Variants in GPSM1 observed in about 807,000 individuals in gnomAD.
GPSM1 encodes G protein-signaling modulator 1.
A neutral mutation model predicts 70.5 loss-of-function variants in GPSM1; 48 were observed. The observed-to-expected ratio is 0.68, with a 90% CI of 0.54 to 0.87. The LOEUF (loss-of-function observed/expected upper bound fraction) is 0.87, where lower values mean the gene tolerates loss of function less well. Among genes scored for constraint, GPSM1 ranks in the 40% least tolerant of loss-of-function variants. GPSM1 has a pLI of 0.00. For synonymous variants in GPSM1, 416 were observed against 430.1 expected (o/e 0.97, Z 0.41); for missense variants, 981 against 972.6 (o/e 1.01, Z -0.11).
At chr9:136,357,979 G>C (rs782810987) in intron 13 of GPSM1, 35 bp from the exon 14 acceptor site, 66 of 1,559,780 alleles carry the variant, frequency 4.2e-5, no homozygotes, top group Non-Finnish European at 5.3e-5. Flanking sequence ...TGGGGCTGGG[G>C]GGGTGAGGCC....
chr9:136,329,824 G>T (rs1832060221), intron 1 of GPSM1, among the ~76,000 whole-genome samples: 6 of 150,384 alleles, frequency 4.0e-5, no homozygotes, highest in Admixed American at 4.0e-4. Context: ...TGGGTTCTGG[G>T]TCGGTGGGGA....
intron 13 of GPSM1, 91 bp downstream of exon 13, chr9:136,356,641 G>C: frequency 1.1e-6 from 1 of 907,816 alleles, no homozygotes; most frequent in South Asian, 1.6e-5. Context: ...TGAGGTGGGC[G>C]CTGGTTCTGC....
chr9:136,338,711 G>A lies in GPSM1; in HGVS notation c.974+1G>A, dbSNP rs782142137. On this transcript the variant is annotated splice_donor_variant, in intron 7 of 13. Transcript: ENST00000440944. LOFTEE classifies it high-confidence loss of function. The stretch of plus-strand genomic sequence containing the variant: ...TCATTGCCCAGGAGCTGGCCGACAG[G>A]TGCGTGGGCGCGGACGCGGCGGGCA... 5 of 1,548,380 alleles carry A rather than the reference G, an allele frequency of 3.2e-6. No individual in the cohort carries two copies. Among genetic ancestry groups the A allele is most frequent in the East Asian group, 2.4e-5 (1 of 41,490 alleles).
rs184608719 is a variant in GPSM1 at position 136,333,397 on chromosome 9, G to A, written c.69-1050G>A. Among the ~76,000 whole-genome samples the A allele has an allele frequency of 5.9e-5, 9 of 152,336 alleles. No individual in the cohort carries two copies. In the East Asian group the frequency reaches 1.3e-3, roughly 23 times the overall value. On this transcript the variant is annotated intron_variant, in intron 1 of 13. Coordinates refer to ENST00000440944, the MANE Select transcript of GPSM1 (RefSeq NM_001145638.3). ...CCCAGAGCAGGCAGCAGGGAGGTGCGGAGCCGGGCAGCCACGGAGTGACCC... is the reference window on the plus strand; with the variant it reads ...CCCAGAGCAGGCAGCAGGGAGGTGCAGAGCCGGGCAGCCACGGAGTGACCC...
intron 13 of GPSM1, among the ~76,000 whole-genome samples, 176 bp downstream of exon 13, chr9:136,356,726 G>A (rs931226472): frequency 5.9e-5 from 9 of 152,268 alleles, no homozygotes; most frequent in Non-Finnish European, 7.4e-5. Context: ...GTCTGAGCCT[G>A]AAGCCCTACT....
rs140186188 is a variant in GPSM1 at position 136,358,862 on chromosome 9, G to A, written c.*642G>A. On this transcript the variant is annotated 3_prime_UTR_variant, in exon 14 of 14. Coordinates refer to ENST00000440944, the MANE Select transcript of GPSM1 (RefSeq NM_001145638.3). ...CCCTGCAGGGGCCTCGACAGGAGCC[G>A]GGCCTATCTCTAAAGCAGAGGGAAT... The A allele has an allele frequency of 9.6e-3, 1,482 of 153,616 alleles. 16 individuals are homozygous for A. Among genetic ancestry groups the A allele is most frequent in the Middle Eastern group, 0.036 (11 of 306 alleles). The allele number at this position is 153,616 out of a possible 1,614,324, so 9.5% of individuals were successfully genotyped here. A position where few individuals can be genotyped will look rare whatever the true frequency, so the allele number is the denominator to read the frequency against.
chr9:136,341,729 C>T lies in GPSM1; in HGVS notation c.1207+736C>T, dbSNP rs936329539. The stretch of plus-strand genomic sequence containing the variant: ...GCCTCCCAGAACGTACCTGGTGCCC[C>T]CCAGGCCTGCTAAGGACCAGGCTGG... On this transcript the variant is annotated intron_variant, in intron 9 of 13. Transcript: ENST00000440944. This position sits in a 1 kb window ranked among gnomAD's most constrained non-coding sequence, Gnocchi z 6.7. The T allele has an allele frequency of 3.0e-6, 3 of 988,912 alleles. No homozygotes were observed. Among genetic ancestry groups the T allele is most frequent in the Admixed American group, 5.7e-5 (1 of 17,556 alleles). The allele number at this position is 988,912 out of a possible 1,614,324, so 61.3% of individuals were successfully genotyped here. A position where few individuals can be genotyped will look rare whatever the true frequency, so the allele number is the denominator to read the frequency against.
At chr9:136,337,184 G>A in intron 4 of GPSM1, 112 bp downstream of exon 4, 1 of 1,123,618 alleles carries the variant, frequency 8.9e-7, no homozygotes, top group Non-Finnish European at 1.2e-6. Context: ...AGCTCCCAGG[G>A]CAGTGACGGC....
chr9:136,328,111 T>C lies in GPSM1; in HGVS notation c.68+348T>C, dbSNP rs1368591031. ...ATGCCCGGGGCACTCAGGGGCATCA[T>C]GGCCAAAGAGACCTGGCTGCTCTGG... On this transcript the variant is annotated intron_variant, in intron 1 of 13. Coordinates refer to ENST00000440944, the MANE Select transcript of GPSM1 (RefSeq NM_001145638.3). Among the ~76,000 whole-genome samples the C allele has an allele frequency of 2.6e-5, 4 of 152,264 alleles. No individual in the cohort carries two copies. The East Asian group carries it at 5.8e-4, about 22-fold the overall frequency.
At position 136,342,389 on chromosome 9, in the gene GPSM1, C is replaced by T. The variant is rs933602843; in HGVS notation, c.1207+1396C>T. 6.6e-6 allele frequency among the ~76,000 whole-genome samples: 1 copy of T among 152,302 alleles called. No homozygotes were observed. The highest frequency in any genetic ancestry group is 1.9e-4 in the East Asian group (1 of 5,178). The stretch of plus-strand genomic sequence containing the variant: ...TCTTGGAGCCAAGGAAAAGGGGGGC[C>T]GGAGTGGGAGGACGCTGGAACAATG... On this transcript the variant is annotated intron_variant, in intron 9 of 13. Transcript: ENST00000440944. This position sits in a 1 kb window ranked among gnomAD's most constrained non-coding sequence, Gnocchi z 5.5.
At chr9:136,347,225 G>C (rs532618398) in intron 9 of GPSM1, among the ~76,000 whole-genome samples, 6 of 152,194 alleles carry the variant, frequency 3.9e-5, no homozygotes, top group African/African-American at 1.4e-4. Flanking sequence ...GCTCCGAGGC[G>C]TAGTAATGGG....
At chr9:136,336,311 C>A (rs1400104407) in intron 3 of GPSM1, among the ~76,000 whole-genome samples, 2 of 152,126 alleles carry the variant, frequency 1.3e-5, no homozygotes, top group Non-Finnish European at 2.9e-5. Context: ...GCAGCCCAGG[C>A]CCCCACCTTC....
chr9:136,358,123 G>A lies in GPSM1; in HGVS notation c.1931G>A (p.Arg644His), dbSNP rs782479351. 23 of 1,611,446 alleles carry A rather than the reference G, an allele frequency of 1.4e-5. No homozygotes were observed. Among genetic ancestry groups the A allele is most frequent in the Admixed American group, 3.3e-5 (2 of 59,878 alleles). The change falls in exon 14 of 14, where the codon CGC (arginine) becomes CAC (histidine). Residue 644 changes from arginine (R) to histidine (H), a missense_variant. Transcript: ENST00000440944. ...FSLIQRVQAK[R>H]MDEQRVDLAG... The stretch of plus-strand genomic sequence containing the variant: ...CTCATTCAGAGGGTGCAGGCTAAGC[G>A]CATGGACGAGCAGCGGGTGGACCTC...
At chr9:136,346,489 G>C (rs1333343557) in intron 9 of GPSM1, among the ~76,000 whole-genome samples, 1 of 152,240 alleles carries the variant, frequency 6.6e-6, no homozygotes, top group African/African-American at 2.4e-5. Context: ...GCACCTTGCT[G>C]TCCACCAGGT....
chr9:136,329,454 G>A (rs1010345773), intron 1 of GPSM1, among the ~76,000 whole-genome samples: 1 of 152,216 alleles, frequency 6.6e-6, no homozygotes, highest in Admixed American at 6.5e-5. Flanking sequence ...TGGGGCTGGA[G>A]AGCAAGACAC....
Position 136,341,185 on chromosome 9 carries a change from C to G in GPSM1, c.1207+192C>G. Reference sequence around the variant, plus strand: ...AGGTTCACCCTGAGCCCTTCCCACCCGCATCCTGAGTGGCGCTGCAGGGCT... The same window carrying G: ...AGGTTCACCCTGAGCCCTTCCCACCGGCATCCTGAGTGGCGCTGCAGGGCT... On this transcript the variant is annotated intron_variant, in intron 9 of 13. Coordinates refer to ENST00000440944, the MANE Select transcript of GPSM1 (RefSeq NM_001145638.3). The surrounding 1 kb of genome is among the most constrained non-coding windows in gnomAD (Gnocchi z 6.7). 1 of 1,546,574 alleles carries G rather than the reference C, an allele frequency of 6.5e-7. No homozygotes were observed. Among genetic ancestry groups the G allele is most frequent in the Non-Finnish European group, 8.7e-7 (1 of 1,144,986 alleles).
chr9:136,337,744 A>G, intron 5 of GPSM1, 102 bp from the exon 6 acceptor site: 1 of 1,056,532 alleles, frequency 9.5e-7, no homozygotes, highest in East Asian at 2.6e-5. Flanking sequence ...CCGGACACAC[A>G]GATCTCTGGC....
chr9:136,333,830 CG>C (rs1832159726), intron 1 of GPSM1, among the ~76,000 whole-genome samples: 1 of 152,112 alleles, frequency 6.6e-6, no homozygotes, highest in Non-Finnish European at 1.5e-5. Flanking sequence ...CTGGCTAACC[CG>C]CAGCCACACC....
chr9:136,327,709 C>T lies in GPSM1; in HGVS notation c.14C>T (p.Ala5Val). Reference protein sequence around the residue: MAGPAPPAADELPGP... With the variant: MAGPVPPAADELPGP... ...CGTCCCCGACCCATGGCGGGCCCGG[C>T]CCCGCCCGCGGCCGACGAGCTCCCG... The change falls in exon 1 of 14, where the codon GCC becomes GTC. Residue 5 changes from alanine (A) to valine (V), a missense_variant. By Grantham distance (64) the Ala-to-Val change is moderately conservative. Transcript: ENST00000440944. 8.6e-7 allele frequency: 1 copy of T among 1,160,472 alleles called. No homozygotes were observed. Among genetic ancestry groups the T allele is most frequent in the African/African-American group, 1.6e-5 (1 of 61,350 alleles). The allele number at this position is 1,160,472 out of a possible 1,614,324, so 71.9% of individuals were successfully genotyped here. A position where few individuals can be genotyped will look rare whatever the true frequency, so the allele number is the denominator to read the frequency against.
Sources: allele counts gnomAD v4.1 joint callset (sites outside exome capture counted in the v4.1 genomes callset), GRCh38; gene constraint gnomAD v4.1.1; non-coding constraint Gnocchi (gnomAD v3.1); transcripts MANE v1.5; gene names NCBI Gene and HGNC (gene_info 2026-07-23, HGNC 2026-07-21).